The following USP49 variants were observed in gnomAD, a reference collection of about 807,000 sequenced individuals.
The protein encoded by USP49 is ubiquitin specific peptidase 49, also known as ubiquitin carboxyl-terminal hydrolase 49.
In USP49, 24 loss-of-function variants were observed where a neutral mutation model predicts 58.6. The ratio of observed to expected loss-of-function variants is 0.41; its 90% CI spans 0.30 to 0.58. The LOEUF is 0.58. Ranked by LOEUF, USP49 falls within the 20% of genes least tolerant of loss-of-function variation. USP49 has a pLI of 0.30. For synonymous variants in USP49, 408 were observed against 365.1 expected (o/e 1.12, Z -1.34); for missense variants, 703 against 866.1 (o/e 0.81, Z 2.36).
intron 3 of USP49, among the ~76,000 whole-genome samples, chr6:41,848,804 A>T (rs1449101426): frequency 6.6e-6 from 1 of 151,614 alleles, no homozygotes; most frequent in Non-Finnish European, 1.5e-5. Flanking sequence ...GCATTGAGCC[A>T]AGATCGCGCC....
chr6:41,810,204 G>A (rs998855669), intron 3 of USP49, among the ~76,000 whole-genome samples: 2 of 151,822 alleles, frequency 1.3e-5, no homozygotes, highest in African/African-American at 2.4e-5. Context: ...AAATAGGCCG[G>A]GTGCAGTGGC....
intron 3 of USP49, among the ~76,000 whole-genome samples, chr6:41,844,644 C>T (rs969723820): frequency 6.6e-6 from 1 of 152,142 alleles, no homozygotes; most frequent in African/African-American, 2.4e-5. Flanking sequence ...CATCAAAAGA[C>T]TTGCGTTATC....
At chr6:41,840,753 A>G (rs1175478100) in intron 3 of USP49, among the ~76,000 whole-genome samples, 2 of 152,084 alleles carry the variant, frequency 1.3e-5, no homozygotes, top group East Asian at 1.9e-4. Flanking sequence ...CCAACCTCCT[A>G]TTTTTCTTCA....
In USP49 at chr6:41,800,840, A is replaced by G. The variant is rs544780408; in HGVS notation, c.1562-902T>C. Among the ~76,000 whole-genome samples, 7 of 152,370 alleles carry G rather than the reference A, an allele frequency of 4.6e-5. 1 individual carries two copies. In the South Asian group the frequency reaches 1.4e-3, roughly 32 times the overall value. Reference sequence around the variant, plus strand: ...TGGCATATTCAAACATTTAGAAAATAAACTGTTTTATATTTTTATGCTGTG... The same window carrying G: ...TGGCATATTCAAACATTTAGAAAATGAACTGTTTTATATTTTTATGCTGTG... On this transcript the variant is annotated intron_variant, in intron 5 of 7. Coordinates refer to ENST00000682992, the MANE Select transcript of USP49 (RefSeq NM_001286554.2).
chr6:41,805,702 AG>A lies in USP49; in HGVS notation c.1281del (p.Phe428SerfsTer11). ...SEGTTRRILI[P>X]FSQRKLTKQV... ...TGTTTGGTGAGCTTCCTCTGGGAGAAGGGGATGAGGATCCGGCGTGTGGTGC... is the reference window on the plus strand; with the variant it reads ...TGTTTGGTGAGCTTCCTCTGGGAGAAGGGATGAGGATCCGGCGTGTGGTGC... On this transcript the variant is annotated frameshift_variant, in exon 4 of 8. Transcript: ENST00000682992. LOFTEE classifies it high-confidence loss of function. 6.2e-7 allele frequency: 1 copy of A among 1,614,146 alleles called. No individual in the cohort carries two copies. Among genetic ancestry groups the A allele is most frequent in the South Asian group, 1.1e-5 (1 of 91,078 alleles).
At chr6:41,860,216 C>T (rs1774195571) in intron 3 of USP49, among the ~76,000 whole-genome samples, 2 of 151,344 alleles carry the variant, frequency 1.3e-5, no homozygotes, top group Non-Finnish European at 2.9e-5. Context: ...AGAGTCACTA[C>T]AAGACTAATG....
Position 41,799,079 on chromosome 6 carries a change from CTTATTTAT to C in USP49, c.1671-158_1671-151del, listed in dbSNP as rs3050156. 2,607 of 358,090 alleles carry C rather than the reference CTTATTTAT, an allele frequency of 7.3e-3. 61 individuals carry two copies. Among genetic ancestry groups the C allele is most frequent in the African/African-American group, 0.022 (1,022 of 45,494 alleles). 22.2% of individuals were successfully genotyped at this position (358,090 alleles called of 1,614,324 possible). Reference sequence around the variant, plus strand: ...AAAATGGTGGTAATCAATGTTCACACTTATTTATTTATTTATTTATTTATTTATTTATT... The same window carrying C: ...AAAATGGTGGTAATCAATGTTCACACTTATTTATTTATTTATTTATTTATT... On this transcript the variant is annotated intron_variant, in intron 6 of 7. Coordinates refer to ENST00000682992, the MANE Select transcript of USP49 (RefSeq NM_001286554.2).
intron 3 of USP49, among the ~76,000 whole-genome samples, chr6:41,808,323 T>C (rs1002155812): frequency 2.0e-5 from 3 of 152,214 alleles, no homozygotes; most frequent in South Asian, 2.1e-4. Flanking sequence ...CATGTTTTTT[T>C]TTCCCCCTCC....
At chr6:41,801,800 A>G (rs1436772492) in intron 5 of USP49, among the ~76,000 whole-genome samples, 1 of 152,240 alleles carries the variant, frequency 6.6e-6, no homozygotes, top group African/African-American at 2.4e-5. Context: ...CAGGCAACAG[A>G]TCAATGCATC....
chr6:41,843,224 G>A (rs540719497), intron 3 of USP49, among the ~76,000 whole-genome samples: 1 of 152,210 alleles, frequency 6.6e-6, no homozygotes, highest in Non-Finnish European at 1.5e-5. Context: ...TTTCGAACCA[G>A]TCAGTAACTT....
At chr6:41,817,028 CAG>C (rs2058666947) in intron 3 of USP49, among the ~76,000 whole-genome samples, 1 of 150,920 alleles carries the variant, frequency 6.6e-6, no homozygotes, top group Non-Finnish European at 1.5e-5. Flanking sequence ...ATTTTAGAGA[CAG>C]AATCTCGCTA....
Position 41,806,332 on chromosome 6 carries a change from C to G in USP49, c.652G>C (p.Asp218His), listed in dbSNP as rs548556992. 9.8e-6 allele frequency: 15 copies of G among 1,530,992 alleles called. No individual in the cohort carries two copies. The African/African-American group carries it at 1.6e-4, about 17-fold the overall frequency. The allele number at this position is 1,530,992 out of a possible 1,614,324, so 94.8% of individuals were successfully genotyped here. A position where few individuals can be genotyped will look rare whatever the true frequency, so the allele number is the denominator to read the frequency against. ...GGGCGCGAGGCAGCCGGGCCCGCGT[C>G]GCGGGGCGTGTGCAGGAGCAGCCGT... is the stretch of plus-strand genomic sequence containing the variant. Reference protein sequence around the residue: ...SARLLLHTPRDAGPAASRPAA... With the variant: ...SARLLLHTPRHAGPAASRPAA... Residue 218 changes from aspartate (D) to histidine (H), a missense_variant, in exon 4 of 8, where the codon GAC becomes CAC. Asp to His is a moderately conservative substitution (Grantham distance 81, BLOSUM62 -1). Around this residue, in one of 6 missense-constraint regions of USP49, gnomAD observed 376 missense variants for 373.5 expected, o/e 1.01. Coordinates refer to ENST00000682992, the MANE Select transcript of USP49 (RefSeq NM_001286554.2). The surrounding 1 kb of genome is among the most constrained non-coding windows in gnomAD (Gnocchi z 5.9).
At chr6:41,800,890 A>G (rs1772985245) in intron 5 of USP49, among the ~76,000 whole-genome samples, 1 of 152,230 alleles carries the variant, frequency 6.6e-6, no homozygotes, top group South Asian at 2.1e-4. Context: ...CATATTTCCT[A>G]GATAAAAGCA....
chr6:41,835,898 A>T (rs117098754), intron 3 of USP49, among the ~76,000 whole-genome samples: 19 of 151,924 alleles, frequency 1.3e-4, no homozygotes, highest in African/African-American at 4.1e-4. Context: ...AGATGGTGAG[A>T]CCATCTCTAC....
rs1425156356 is a variant in USP49 at position 41,794,133 on chromosome 6, C to A, written c.*2400G>T. 6.6e-6 allele frequency: 1 copy of A among 152,242 alleles called. No individual in the cohort carries two copies. The highest frequency in any genetic ancestry group is 1.5e-5 in the Non-Finnish European group (1 of 68,042). The allele number at this position is 152,242 out of a possible 1,614,324, so 9.4% of individuals were successfully genotyped here. On this transcript the variant is annotated 3_prime_UTR_variant, in exon 8 of 8. Transcript: ENST00000682992. ...TAAAAATCTCCTTAAATACTAACGTCCTAAGTGTCCAGTGCTGCCGCCTCT... is the reference window on the plus strand; with the variant it reads ...TAAAAATCTCCTTAAATACTAACGTACTAAGTGTCCAGTGCTGCCGCCTCT...
rs112615079 is a variant in USP49, at chr6:41,812,084, C to CT, written c.-28-5074dup. On this transcript the variant is annotated intron_variant, in intron 3 of 7. Coordinates refer to ENST00000682992, the MANE Select transcript of USP49 (RefSeq NM_001286554.2). ...AGAGGCTTCTAAAATCTCAATGATT[C>CT]TTTTTTTTTTTTCAGACGGAGTTTC... 3.2e-3 allele frequency among the ~76,000 whole-genome samples: 463 copies of CT among 144,990 alleles called. 6 individuals are homozygous for CT. Among genetic ancestry groups the CT allele is most frequent in the African/African-American group, 7.5e-3 (300 of 39,830 alleles).
chr6:41,797,874 A>C, intron 7 of USP49: 3 of 923,318 alleles, frequency 3.2e-6, no homozygotes, highest in Non-Finnish European at 3.9e-6. Context: ...TGCTCTTCTT[A>C]TTTATTTATT....
At chr6:41,874,063 A>C (rs1774460236) in intron 2 of USP49, 1 of 152,250 alleles carries the variant, frequency 6.6e-6, no homozygotes, top group African/African-American at 2.4e-5. Context: ...CAAAGTCAGG[A>C]GGCCATATTC....
chr6:41,817,268 C>T (rs1773371231), intron 3 of USP49, among the ~76,000 whole-genome samples: 1 of 149,868 alleles, frequency 6.7e-6, no homozygotes, highest in Non-Finnish European at 1.5e-5. Context: ...CTGCCTCAGC[C>T]TCCCGAGTAG....
Sources: allele counts gnomAD v4.1 joint callset (sites outside exome capture counted in the v4.1 genomes callset), GRCh38; gene constraint gnomAD v4.1.1; regional missense constraint gnomAD v4.1.1; non-coding constraint Gnocchi (gnomAD v3.1); transcripts MANE v1.5; gene names NCBI Gene and HGNC (gene_info 2026-07-23, HGNC 2026-07-21).